The following DOCK8 variants were observed in gnomAD, a reference collection of about 807,000 sequenced individuals.
DOCK8 encodes dedicator of cytokinesis 8.
Under a neutral mutation model 245.6 loss-of-function variants are expected in DOCK8, and 141 were observed. The ratio of observed to expected loss-of-function variants is 0.57; its 90% CI spans 0.50 to 0.66. The LOEUF is 0.66. DOCK8 is among the 30% of genes least tolerant of loss of function. The probability of loss-of-function intolerance (pLI) is 0.00; values close to 1 mark genes in which losing one functional copy is unlikely to be tolerated. For synonymous variants in DOCK8, 1,168 were observed against 970.2 expected, an observed-to-expected ratio of 1.20 and a Z score of -3.79; for missense variants, 2,965 against 2,603.4, an observed-to-expected ratio of 1.14 and a Z score of -3.02.
chr9:226,071 A>G (rs1344315976), intron 1 of DOCK8, among the ~76,000 whole-genome samples: 1 of 152,230 alleles, frequency 6.6e-6, no homozygotes, highest in African/African-American at 2.4e-5. Context: ...TCATACTGCT[A>G]TGAAGAAATA....
Position 441,952 on chromosome 9 carries a change from GTT to G in DOCK8, c.5435_5436del (p.Phe1812CysfsTer12). 1.2e-6 allele frequency: 2 copies of G among 1,613,924 alleles called. No individual in the cohort carries two copies. Among genetic ancestry groups the G allele is most frequent in the Non-Finnish European group, 1.7e-6 (2 of 1,179,976 alleles). On this transcript the variant is annotated frameshift_variant, in exon 42 of 48. Coordinates refer to ENST00000432829, the MANE Select transcript of DOCK8 (RefSeq NM_203447.4). LOFTEE classifies it high-confidence loss of function. ...AATTTGGGGATTTGGATGAACAGGA[GTT>G]TGTCTACAAAGAGCCTGCAATTACC... ...SKFGDLDEQE[F>X]VYKEPAITKL...
chr9:400,325 C>CCACCACCACCTCCACCAT (rs2054830092), intron 26 of DOCK8, among the ~76,000 whole-genome samples: 1 of 88,886 alleles, frequency 1.1e-5, no homozygotes, highest in Non-Finnish European at 2.2e-5. Context: ...ACCACCTCCA[C>CCACCACCACCTCCACCAT]CACCACCACC....
At chr9:311,520 G>A (rs569221898) in intron 5 of DOCK8, among the ~76,000 whole-genome samples, 5 of 151,808 alleles carry the variant, frequency 3.3e-5, no homozygotes, top group African/African-American at 1.2e-4. Context: ...CCCAAGGACT[G>A]GGATTAAAGG....
Position 299,976 on chromosome 9 carries a change from C to T in DOCK8, c.405-4605C>T, listed in dbSNP as rs567813573. 3.4e-5 allele frequency among the ~76,000 whole-genome samples: 5 copies of T among 148,764 alleles called. No individual in the cohort carries two copies. In the East Asian group the frequency reaches 6.0e-4, roughly 18 times the overall value. ...GGCAGAGCTTGCAGTGAGCAGAGAT[C>T]GTGCCACTGCACTCCAGCCTGGGCG... On this transcript the variant is annotated intron_variant, in intron 4 of 47. Coordinates refer to ENST00000432829, the MANE Select transcript of DOCK8 (RefSeq NM_203447.4).
chr9:329,830 A>C (rs10970638), intron 9 of DOCK8, among the ~76,000 whole-genome samples: 39,885 of 152,158 alleles, frequency 0.26, 5,727 homozygotes, highest in African/African-American at 0.35. Flanking sequence ...AATATGTTCC[A>C]AAATTTTCAA....
intron 3 of DOCK8, among the ~76,000 whole-genome samples, chr9:287,530 C>A (rs1481702469): frequency 6.6e-6 from 1 of 152,126 alleles, no homozygotes; most frequent in East Asian, 1.9e-4. Context: ...CTGAGATATT[C>A]TAGTTCTATT....
intron 1 of DOCK8, among the ~76,000 whole-genome samples, chr9:261,875 A>G (rs1252303455): frequency 1.3e-5 from 2 of 152,102 alleles, no homozygotes; most frequent in South Asian, 4.2e-4. Flanking sequence ...CTTAAAGTCC[A>G]TTTTGTCTGA....
chr9:252,042 C>T (rs904218951), intron 1 of DOCK8, among the ~76,000 whole-genome samples: 12 of 143,460 alleles, frequency 8.4e-5, no homozygotes, highest in Non-Finnish European at 1.2e-4. Flanking sequence ...GGTGAGATCT[C>T]GGCTCACTGC....
At chr9:310,651 G>A (rs1264521123) in intron 5 of DOCK8, among the ~76,000 whole-genome samples, 1 of 152,060 alleles carries the variant, frequency 6.6e-6, no homozygotes, top group Non-Finnish European at 1.5e-5. Context: ...AGTAGCGATG[G>A]GGTTTCACCA....
At chr9:400,403 CCAT>C (rs1199507591) in intron 26 of DOCK8, among the ~76,000 whole-genome samples, 4 of 62,244 alleles carry the variant, frequency 6.4e-5, no homozygotes, top group African/African-American at 7.7e-5. Context: ...ACCACCTCCA[CCAT>C]CACCACCACC....
Position 366,026 on chromosome 9 carries a change from G to C in DOCK8, c.1680-1992G>C, listed in dbSNP as rs1444022939. On this transcript the variant is annotated intron_variant, in intron 14 of 47. Transcript: ENST00000432829. ...AGTGCTGCTAAGTCAGCCAGTGGCT[G>C]AGTAGAAACAGCCCTGCAGTGGGCC... The C allele has an allele frequency of 1.6e-5, 3 of 190,952 alleles. No individual in the cohort carries two copies. The Admixed American group carries it at 1.6e-4, about 10-fold the overall frequency. 11.8% of individuals were successfully genotyped at this position (190,952 alleles called of 1,614,324 possible).
rs999264217 is a variant in DOCK8 at position 420,330 on chromosome 9, T to G, written c.3841-71T>G. 4 of 1,546,722 alleles carry G rather than the reference T, an allele frequency of 2.6e-6. No individual in the cohort carries two copies. The South Asian group carries it at 4.5e-5, about 17-fold the overall frequency. ...ACTTTGAATTTTTCTGTTGCTTGACTGTTAAGCCTCAAATTTTTCTGTTGC... is the reference window on the plus strand; with the variant it reads ...ACTTTGAATTTTTCTGTTGCTTGACGGTTAAGCCTCAAATTTTTCTGTTGC... On this transcript the variant is annotated intron_variant, in intron 30 of 47. Coordinates refer to ENST00000432829, the MANE Select transcript of DOCK8 (RefSeq NM_203447.4).
At chr9:459,802 C>T (rs2057748616) in intron 46 of DOCK8, 3 of 152,414 alleles carry the variant, frequency 2.0e-5, no homozygotes, top group Admixed American at 6.5e-5. Context: ...CTCCTTCTCT[C>T]CACATGGTCT....
At chr9:368,529 C>T in intron 15 of DOCK8, 2 of 509,698 alleles carry the variant, frequency 3.9e-6, no homozygotes, top group South Asian at 2.7e-5. Flanking sequence ...CACAGTGTTA[C>T]ACACTTACTC....
chr9:403,976 GTGTATATATATATA>G (rs2055289383), intron 26 of DOCK8, among the ~76,000 whole-genome samples: 3 of 66,888 alleles, frequency 4.5e-5, no homozygotes, highest in Admixed American at 3.6e-4. Flanking sequence ...ATATATATAT[GTGTATATATATATA>G]TGTGTATATA....
chr9:378,142 C>T lies in DOCK8; in HGVS notation c.2440+931C>T, dbSNP rs74494346. On this transcript the variant is annotated intron_variant, in intron 20 of 47. Transcript: ENST00000432829. ...AAAGAGTCAGCAGCACAGGACAAGA[C>T]TCCTCAAAGGGACACAGCTAAATTT... Among the ~76,000 whole-genome samples, 442 of 152,322 alleles carry T rather than the reference C, an allele frequency of 2.9e-3. 2 individuals carry two copies. The highest frequency in any genetic ancestry group is 0.02 in the Middle Eastern group (6 of 294).
chr9:240,241 A>G (rs1375423361), intron 1 of DOCK8, among the ~76,000 whole-genome samples: 1 of 152,190 alleles, frequency 6.6e-6, no homozygotes, highest in East Asian at 1.9e-4. Flanking sequence ...TGGCAAGGTC[A>G]ATCTTTTATA....
At chr9:249,319 C>T (rs987601779) in intron 1 of DOCK8, among the ~76,000 whole-genome samples, 3 of 152,174 alleles carry the variant, frequency 2.0e-5, no homozygotes, top group African/African-American at 4.8e-5. Context: ...ACCACCCAAG[C>T]CTTAGCCTAC....
intron 14 of DOCK8, among the ~76,000 whole-genome samples, chr9:360,745 A>G (rs577012925): frequency 6.6e-6 from 1 of 152,354 alleles, no homozygotes; most frequent in East Asian, 1.9e-4. Context: ...CTGAGAGCTT[A>G]AATGGCCCTG....
Sources: gnomAD v4.1 joint callset for allele counts (sites outside exome capture counted in the v4.1 genomes callset) on GRCh38, gnomAD v4.1.1 for gene constraint, MANE v1.5 for transcripts, NCBI Gene and HGNC (gene_info 2026-07-23, HGNC 2026-07-21) for gene names.